Variants in ZBBX observed in about 807,000 individuals in gnomAD.
ZBBX encodes the protein zinc finger B-box domain containing.
In ZBBX, 101 loss-of-function variants were observed where a neutral mutation model predicts 108.5. That is an observed-to-expected ratio of 0.93 (90% CI 0.79 to 1.10). The LOEUF is 1.10. Ranked by LOEUF, ZBBX falls within the 50% of genes least tolerant of loss-of-function variation. The probability of loss-of-function intolerance (pLI) is 0.00; values close to 1 mark genes in which losing one functional copy is unlikely to be tolerated. For synonymous variants in ZBBX, 356 were observed against 323.4 expected (o/e 1.10, Z -1.08); for missense variants, 1,009 against 941.4 (o/e 1.07, Z -0.94).
At chr3:167,395,462 A>ATG (rs1553851093) in intron 1 of ZBBX, among the ~76,000 whole-genome samples, 1 of 151,976 alleles carries the variant, frequency 6.6e-6, no homozygotes, top group Admixed American at 6.6e-5. Flanking sequence ...GAAAAATTAT[A>ATG]GAGTAAATAA....
At chr3:167,262,972 T>C (rs1724810951) in intron 20 of ZBBX, among the ~76,000 whole-genome samples, 1 of 152,010 alleles carries the variant, frequency 6.6e-6, no homozygotes, top group African/African-American at 2.4e-5. Flanking sequence ...ATTTCTGTTC[T>C]GATCATTAGT....
upstream of ZBBX, among the ~76,000 whole-genome samples, chr3:167,382,381 C>G (rs373675635): frequency 9.2e-5 from 14 of 152,122 alleles, no homozygotes; most frequent in Admixed American, 3.9e-4. Flanking sequence ...AAGTAAAATG[C>G]GTTTAACTGG....
In ZBBX at chr3:167,276,083, G is replaced by A. The variant is rs549242522; in HGVS notation, c.2254+6155C>T. ...AGCTGAGGGTCCTGTCTGTTACAAG[G>A]AAAACTAACAAACAGAAAGGACATC... On this transcript the variant is annotated intron_variant, in intron 20 of 21. Coordinates refer to ENST00000675490, the MANE Select transcript of ZBBX (RefSeq NM_001199201.2). Among the ~76,000 whole-genome samples, 6 of 152,266 alleles carry A rather than the reference G, an allele frequency of 3.9e-5. No individual in the cohort carries two copies. The East Asian group carries it at 1.2e-3, about 29-fold the overall frequency.
the ZBBX span, among the ~76,000 whole-genome samples, chr3:167,222,347 T>A: frequency 6.6e-6 from 1 of 151,730 alleles, no homozygotes; most frequent in South Asian, 2.1e-4. Flanking sequence ...ATTTATGAGA[T>A]CTAAAAATCA....
chr3:167,362,971 A>T (rs1475099924), intron 6 of ZBBX, among the ~76,000 whole-genome samples: 1 of 151,862 alleles, frequency 6.6e-6, no homozygotes, highest in Non-Finnish European at 1.5e-5. Flanking sequence ...TTCACCTGAC[A>T]TCCTGGTTTG....
chr3:167,289,161 T>C (rs1730220371), intron 18 of ZBBX, among the ~76,000 whole-genome samples, 178 bp from the exon 19 acceptor site: 1 of 152,154 alleles, frequency 6.6e-6, no homozygotes, highest in Middle Eastern at 3.4e-3. Flanking sequence ...AATTAATATA[T>C]TTTAATTTTA....
chr3:167,285,710 T>A (rs1187828360), intron 19 of ZBBX, among the ~76,000 whole-genome samples: 1 of 152,222 alleles, frequency 6.6e-6, no homozygotes, highest in Non-Finnish European at 1.5e-5. Flanking sequence ...AATTATAAAA[T>A]TATTTATCAC....
At chr3:167,310,661 C>T (rs1410522131) in intron 16 of ZBBX, among the ~76,000 whole-genome samples, 2 of 152,148 alleles carry the variant, frequency 1.3e-5, no homozygotes, top group Non-Finnish European at 2.9e-5. Context: ...ATGAGAACAA[C>T]ATGGAGGAAA....
chr3:167,203,216 C>T, the ZBBX span, among the ~76,000 whole-genome samples: 1 of 152,116 alleles, frequency 6.6e-6, no homozygotes, highest in Non-Finnish European at 1.5e-5. Flanking sequence ...GCCACCTTCT[C>T]AATGTGTCCT....
At chr3:167,331,488 C>T in intron 10 of ZBBX, 3 of 893,164 alleles carry the variant, frequency 3.4e-6, no homozygotes, top group South Asian at 5.1e-5. Flanking sequence ...TTCAGCAGCC[C>T]TCCAGGGAAG....
At chr3:167,382,383 T>C (rs1013627369), upstream of ZBBX, among the ~76,000 whole-genome samples, 2 of 152,186 alleles carry the variant, frequency 1.3e-5, no homozygotes, top group Non-Finnish European at 2.9e-5. Flanking sequence ...GTAAAATGCG[T>C]TTAACTGGCA....
At chr3:167,221,619 T>C in the ZBBX span, among the ~76,000 whole-genome samples, 2,028 of 152,008 alleles carry the variant, frequency 0.013, 22 homozygotes, top group South Asian at 0.026. Context: ...AAAGATTTCT[T>C]GAGTAACACC....
chr3:167,234,329 A>G, the ZBBX span, among the ~76,000 whole-genome samples: 1 of 151,904 alleles, frequency 6.6e-6, no homozygotes. Flanking sequence ...ATATTGTATC[A>G]TACCATTTTT....
At chr3:167,247,735 T>C (rs1386948547) in intron 20 of ZBBX, among the ~76,000 whole-genome samples, 3 of 152,040 alleles carry the variant, frequency 2.0e-5, no homozygotes, top group South Asian at 2.1e-4. Flanking sequence ...CACACCCTCA[T>C]TGCATGCCCT....
chr3:167,342,413 G>A (rs956867349), intron 9 of ZBBX, among the ~76,000 whole-genome samples: 6 of 151,718 alleles, frequency 4.0e-5, no homozygotes, highest in Non-Finnish European at 8.9e-5. Flanking sequence ...TTGGAAGACT[G>A]TATTTTTATA....
intron 16 of ZBBX, among the ~76,000 whole-genome samples, chr3:167,306,954 A>G (rs1733751542): frequency 6.6e-6 from 1 of 152,180 alleles, no homozygotes; most frequent in Non-Finnish European, 1.5e-5. Context: ...TTGCAATCAA[A>G]TGTTTATATA....
chr3:167,384,459 CAG>C (rs1293207730), upstream of ZBBX, among the ~76,000 whole-genome samples: 4 of 152,014 alleles, frequency 2.6e-5, no homozygotes, highest in African/African-American at 9.7e-5. Context: ...AATAAGCTCA[CAG>C]AGAGTGGGGT....
chr3:167,224,257 T>A, the ZBBX span, among the ~76,000 whole-genome samples: 2 of 152,110 alleles, frequency 1.3e-5, no homozygotes, highest in African/African-American at 4.8e-5. Context: ...CTTACTTCCA[T>A]GTATTTTTTT....
chr3:167,271,912 C>T (rs760182140), intron 20 of ZBBX, among the ~76,000 whole-genome samples: 1 of 152,174 alleles, frequency 6.6e-6, no homozygotes, highest in Non-Finnish European at 1.5e-5. Context: ...ATTGAAAATA[C>T]AGTGCCTAGA....
Sources: gnomAD v4.1 joint callset for allele counts (sites outside exome capture counted in the v4.1 genomes callset) on GRCh38, gnomAD v4.1.1 for gene constraint, MANE v1.5 for transcripts, NCBI Gene and HGNC (gene_info 2026-07-23, HGNC 2026-07-21) for gene names.